Variants in NCAM1 observed in about 807,000 individuals in gnomAD.
The protein encoded by NCAM1 is neural cell adhesion molecule 1.
Under a neutral mutation model 109.8 loss-of-function variants are expected in NCAM1, and 14 were observed. The observed-to-expected ratio is 0.13, with a 90% CI of 0.08 to 0.20. NCAM1 has a LOEUF of 0.20. Among genes scored for constraint, NCAM1 ranks in the 10% least tolerant of loss-of-function variants. NCAM1 has a pLI of 1.00. For synonymous variants in NCAM1, 418 were observed against 442.9 expected (o/e 0.94, Z 0.70); for missense variants, 774 against 1,109.9 (o/e 0.70, Z 4.30).
At chr11:113,181,379 G>A (rs552942167) in intron 1 of NCAM1, among the ~76,000 whole-genome samples, 3 of 152,314 alleles carry the variant, frequency 2.0e-5, no homozygotes, top group East Asian at 1.9e-4. Context: ...TTGAGTGTCA[G>A]TAGGCTAACA....
At chr11:112,984,790 T>G (rs1402971442) in intron 1 of NCAM1, among the ~76,000 whole-genome samples, 1 of 151,980 alleles carries the variant, frequency 6.6e-6, no homozygotes, top group African/African-American at 2.4e-5. Flanking sequence ...TTATATATTT[T>G]GAATATTAAC....
At chr11:113,159,362 C>A (rs1371394799) in intron 1 of NCAM1, among the ~76,000 whole-genome samples, 1 of 151,786 alleles carries the variant, frequency 6.6e-6, no homozygotes, top group Non-Finnish European at 1.5e-5. Flanking sequence ...TGTGTAAGCA[C>A]CTGTTGGAAA....
At chr11:113,271,017 A>C (rs977510284) in intron 18 of NCAM1, among the ~76,000 whole-genome samples, 2 of 152,118 alleles carry the variant, frequency 1.3e-5, no homozygotes, top group Non-Finnish European at 2.9e-5. Context: ...GCAAGGAAAT[A>C]AGTTGTTTAG....
At chr11:113,090,117 C>G (rs539298841) in intron 1 of NCAM1, among the ~76,000 whole-genome samples, 83 of 152,270 alleles carry the variant, frequency 5.5e-4, no homozygotes, top group Admixed American at 3.9e-4. Context: ...TTCATAATCT[C>G]AACTAGTAAT....
chr11:113,246,039 T>C, intron 14 of NCAM1: 1 of 397,244 alleles, frequency 2.5e-6, no homozygotes, highest in East Asian at 4.0e-5. Flanking sequence ...TATTAATATG[T>C]AGTGTTGCAG....
chr11:113,085,257 T>C (rs1939026483), intron 1 of NCAM1, among the ~76,000 whole-genome samples: 1 of 152,210 alleles, frequency 6.6e-6, no homozygotes, highest in Admixed American at 6.5e-5. Context: ...TCTGTAATCT[T>C]CTGTTAAGTG....
chr11:113,243,159 T>A (rs914466269), intron 14 of NCAM1, among the ~76,000 whole-genome samples: 7 of 152,218 alleles, frequency 4.6e-5, no homozygotes, highest in Non-Finnish European at 8.8e-5. Flanking sequence ...AAGAACAGCA[T>A]CTCCTTCCCG....
chr11:113,046,381 A>G (rs1240654505), intron 1 of NCAM1, among the ~76,000 whole-genome samples: 1 of 152,184 alleles, frequency 6.6e-6, no homozygotes. Context: ...CTATAATTCT[A>G]TAATTACCGC....
chr11:113,237,905 G>GATATAGATATATAGAT (rs1945213305), intron 14 of NCAM1, among the ~76,000 whole-genome samples: 1 of 139,000 alleles, frequency 7.2e-6, no homozygotes, highest in African/African-American at 2.8e-5. Flanking sequence ...TAGATATATA[G>GATATAGATATATAGAT]ATATATATAG....
intron 1 of NCAM1, among the ~76,000 whole-genome samples, chr11:113,019,353 T>A (rs1948827464): frequency 6.6e-6 from 1 of 152,190 alleles, no homozygotes; most frequent in African/African-American, 2.4e-5. Context: ...CGCTTTACCT[T>A]CAATAGCCTT....
intron 1 of NCAM1, among the ~76,000 whole-genome samples, chr11:113,026,953 C>T (rs1952565118): frequency 1.3e-5 from 2 of 152,168 alleles, no homozygotes; most frequent in African/African-American, 4.8e-5. Context: ...ACCCACACTG[C>T]AGTGTCCCTT....
chr11:113,231,577 C>T, intron 9 of NCAM1, 68 bp from the exon 10 acceptor site: 2 of 1,502,002 alleles, frequency 1.3e-6, no homozygotes, highest in Non-Finnish European at 1.8e-6. Flanking sequence ...CCCCATCCTG[C>T]CATAGCACTG....
At chr11:113,035,655 G>A (rs756390126) in intron 1 of NCAM1, among the ~76,000 whole-genome samples, 2 of 152,198 alleles carry the variant, frequency 1.3e-5, no homozygotes, top group Non-Finnish European at 2.9e-5. Flanking sequence ...TAACAGAGCT[G>A]GATATAAGAA....
At chr11:113,185,331 A>G (rs1021948430) in intron 1 of NCAM1, among the ~76,000 whole-genome samples, 1 of 152,074 alleles carries the variant, frequency 6.6e-6, no homozygotes, top group Non-Finnish European at 1.5e-5. Flanking sequence ...AGAAAGAACT[A>G]TTTATTAATC....
At chr11:113,129,458 A>G (rs1033017141) in intron 1 of NCAM1, among the ~76,000 whole-genome samples, 1 of 151,944 alleles carries the variant, frequency 6.6e-6, no homozygotes, top group East Asian at 1.9e-4. Flanking sequence ...AAGGACCTGT[A>G]TTTTTTTTAT....
chr11:113,114,920 GAAAAT>G (rs1362397589), intron 1 of NCAM1, among the ~76,000 whole-genome samples: 1 of 152,060 alleles, frequency 6.6e-6, no homozygotes, highest in African/African-American at 2.4e-5. Flanking sequence ...CTCCCCCACT[GAAAAT>G]AAAGGAAGTC....
chr11:113,115,232 C>G (rs1940647400), intron 1 of NCAM1, among the ~76,000 whole-genome samples: 1 of 152,066 alleles, frequency 6.6e-6, no homozygotes, highest in African/African-American at 2.4e-5. Context: ...ACCCAGATGT[C>G]CATCATAAAA....
intron 1 of NCAM1, among the ~76,000 whole-genome samples, chr11:113,121,860 A>G (rs1940975776): frequency 6.6e-6 from 1 of 151,710 alleles, no homozygotes; most frequent in Non-Finnish European, 1.5e-5. Flanking sequence ...GCAACTATTT[A>G]GAAAACATGG....
intron 1 of NCAM1, among the ~76,000 whole-genome samples, chr11:113,145,149 C>G (rs1591364435): frequency 3.3e-5 from 5 of 152,238 alleles, no homozygotes; most frequent in African/African-American, 9.6e-5. Flanking sequence ...TTCATTCACT[C>G]TTTCCATTTT....
Sources: allele counts gnomAD v4.1 joint callset (sites outside exome capture counted in the v4.1 genomes callset), GRCh38; gene constraint gnomAD v4.1.1; transcripts MANE v1.5; gene names NCBI Gene and HGNC (gene_info 2026-07-23, HGNC 2026-07-21).